Variants in ASTN2 observed in about 807,000 individuals in gnomAD.
ASTN2 encodes astrotactin-2.
ASTN2 carries 54 observed loss-of-function variants against 139.8 expected under a neutral mutation model. That is an observed-to-expected ratio of 0.39 (90% CI 0.31 to 0.48). ASTN2 has a LOEUF of 0.48. Among genes scored for constraint, ASTN2 ranks in the 20% least tolerant of loss-of-function variants. The pLI is 0.95. For missense variants in ASTN2, 1,565 were observed against 1,725.1 expected (o/e 0.91, Z 1.64); for synonymous variants, 756 against 719.5 (o/e 1.05, Z -0.81).
intron 2 of ASTN2, among the ~76,000 whole-genome samples, chr9:117,265,319 G>A (rs994109511): frequency 7.2e-5 from 11 of 152,128 alleles, no homozygotes; most frequent in African/African-American, 1.2e-4. Flanking sequence ...GAAATGCCTC[G>A]GAGATAGCCC....
At chr9:116,758,102 G>A (rs1829581966) in intron 13 of ASTN2, among the ~76,000 whole-genome samples, 1 of 152,128 alleles carries the variant, frequency 6.6e-6, no homozygotes, top group Non-Finnish European at 1.5e-5. Flanking sequence ...GTAAAATGAG[G>A]CCAATAAAAT....
chr9:117,311,455 C>G (rs1356885697), intron 1 of ASTN2, among the ~76,000 whole-genome samples: 1 of 152,130 alleles, frequency 6.6e-6, no homozygotes, highest in African/African-American at 2.4e-5. Flanking sequence ...TTGCCATCCA[C>G]TCTTTTTCTG....
At chr9:116,667,385 C>T (rs1858932222) in intron 16 of ASTN2, among the ~76,000 whole-genome samples, 1 of 152,090 alleles carries the variant, frequency 6.6e-6, no homozygotes, top group South Asian at 2.1e-4. Context: ...TTGCAATATA[C>T]ACTGGGATAT....
intron 5 of ASTN2, among the ~76,000 whole-genome samples, chr9:117,048,959 A>G (rs973195653): frequency 7.5e-4 from 40 of 53,264 alleles, no homozygotes; most frequent in Admixed American, 2.0e-3. Flanking sequence ...TTCTTCATCC[A>G]TTGCTTTTTT....
intron 3 of ASTN2, among the ~76,000 whole-genome samples, chr9:117,183,171 G>C (rs975492564): frequency 6.6e-6 from 1 of 152,114 alleles, no homozygotes; most frequent in Non-Finnish European, 1.5e-5. Flanking sequence ...TGTGTGATAA[G>C]TTGGTTCAAG....
chr9:117,012,677 T>C (rs1837569365), intron 6 of ASTN2, among the ~76,000 whole-genome samples: 1 of 152,190 alleles, frequency 6.6e-6, no homozygotes, highest in Non-Finnish European at 1.5e-5. Flanking sequence ...CTTTAAGCTA[T>C]ACCTTGAAGG....
intron 10 of ASTN2, among the ~76,000 whole-genome samples, chr9:116,865,423 C>CAA (rs869251101): frequency 8.2e-5 from 4 of 48,856 alleles, no homozygotes; most frequent in Admixed American, 3.1e-4. Flanking sequence ...AACACTGTCT[C>CAA]AAAAAAAAAA....
rs368972299 is a variant in ASTN2 at position 116,545,956 on chromosome 9, T to C, written c.3356-58456A>G. 7.9e-5 allele frequency: 12 copies of C among 152,180 alleles called. No individual in the cohort carries two copies. The South Asian group carries it at 1.0e-3, about 13-fold the overall frequency. The allele number at this position is 152,180 out of a possible 1,614,324, so 9.4% of individuals were successfully genotyped here. On this transcript the variant is annotated intron_variant, in intron 19 of 22. Coordinates refer to ENST00000313400, the MANE Select transcript of ASTN2 (RefSeq NM_001365068.1). ...ACTCTTCATTTTACACTAAAGGAAG[T>C]TGAGTTCCAGAGTGGGATATCAGAC... is the stretch of plus-strand genomic sequence containing the variant.
chr9:117,041,588 G>A (rs961840315), intron 5 of ASTN2, among the ~76,000 whole-genome samples: 1 of 152,104 alleles, frequency 6.6e-6, no homozygotes, highest in Non-Finnish European at 1.5e-5. Context: ...TGTGGGATAA[G>A]GGAGGTGCAC....
In ASTN2 at chr9:116,719,998, G is replaced by GT. The variant is rs1213675616; in HGVS notation, c.2806+5772dup. Among the ~76,000 whole-genome samples, 6 of 152,270 alleles carry GT rather than the reference G, an allele frequency of 3.9e-5. No homozygotes were observed. The East Asian group carries it at 1.2e-3, about 29-fold the overall frequency. On this transcript the variant is annotated intron_variant, in intron 16 of 22. Transcript: ENST00000313400. ...CTAAGAACAACTCCGTTCATATCTT[G>GT]TTGCCATCTTAAAAGCAAGTTCCCT...
chr9:117,324,787 C>T (rs904828409), intron 1 of ASTN2, among the ~76,000 whole-genome samples: 5 of 152,120 alleles, frequency 3.3e-5, no homozygotes, highest in Non-Finnish European at 7.4e-5. Context: ...CCTCCCAGGC[C>T]ATGCTAAGGA....
intron 1 of ASTN2, among the ~76,000 whole-genome samples, chr9:117,341,430 T>G (rs544943543): frequency 1.3e-5 from 2 of 152,226 alleles, no homozygotes; most frequent in South Asian, 4.1e-4. Flanking sequence ...CTGTTCTTTG[T>G]GAGCAGGAGG....
intron 6 of ASTN2, among the ~76,000 whole-genome samples, chr9:117,024,068 C>T (rs1450351642): frequency 6.6e-6 from 1 of 152,100 alleles, no homozygotes; most frequent in East Asian, 1.9e-4. Flanking sequence ...TCCTTTTGCA[C>T]AAACCAGTCT....
chr9:117,127,225 C>T (rs1399441033), intron 4 of ASTN2, among the ~76,000 whole-genome samples: 1 of 152,128 alleles, frequency 6.6e-6, no homozygotes, highest in East Asian at 1.9e-4. Context: ...TGTAGTTCTG[C>T]CTGAACGCAA....
intron 1 of ASTN2, among the ~76,000 whole-genome samples, chr9:117,351,291 G>C (rs1186001743): frequency 1.3e-5 from 2 of 152,090 alleles, no homozygotes; most frequent in African/African-American, 4.8e-5. Context: ...TCTAAGCATG[G>C]CGCTCAAGGT....
chr9:116,461,435 C>CGCATATATATATGT (rs1160783340), intron 20 of ASTN2, among the ~76,000 whole-genome samples: 50 of 152,052 alleles, frequency 3.3e-4, no homozygotes, highest in African/African-American at 1.2e-3. Flanking sequence ...TATATATGTA[C>CGCATATATATATGT]ACATATATAG....
intron 19 of ASTN2, among the ~76,000 whole-genome samples, chr9:116,535,147 G>A (rs1179730498): frequency 4.6e-5 from 7 of 152,070 alleles, no homozygotes; most frequent in Admixed American, 6.6e-5. Context: ...ATCTTTATTG[G>A]TTTAAAGTCT....
chr9:116,728,296 G>C (rs1366900676), intron 15 of ASTN2, among the ~76,000 whole-genome samples: 2 of 152,088 alleles, frequency 1.3e-5, no homozygotes, highest in African/African-American at 4.8e-5. Context: ...TCTTGATATA[G>C]ATATTTAAGC....
chr9:116,769,905 C>T (rs1446105316), intron 13 of ASTN2, among the ~76,000 whole-genome samples: 1 of 40,480 alleles, frequency 2.5e-5, no homozygotes, highest in African/African-American at 4.2e-5. Flanking sequence ...TATATATGGG[C>T]ATGGTGGTGG....
Sources: allele counts gnomAD v4.1 joint callset (sites outside exome capture counted in the v4.1 genomes callset), GRCh38; gene constraint gnomAD v4.1.1; transcripts MANE v1.5; gene names NCBI Gene and HGNC (gene_info 2026-07-23, HGNC 2026-07-21).